CDH7: variants seen among roughly 807,000 people sequenced by gnomAD.
CDH7 encodes cadherin 7.
CDH7 carries 25 observed loss-of-function variants against 71.8 expected under a neutral mutation model. The ratio of observed to expected loss-of-function variants is 0.35; its 90% confidence interval spans 0.25 to 0.49. The LOEUF (loss-of-function observed/expected upper bound fraction) is 0.49, where lower values mean the gene tolerates loss of function less well. Among genes scored for constraint, CDH7 ranks in the 20% least tolerant of loss-of-function variants. The probability of loss-of-function intolerance (pLI) is 0.99; values close to 1 mark genes in which losing one functional copy is unlikely to be tolerated. For missense variants in CDH7, 862 were observed against 974.6 expected (o/e 0.88, Z 1.54); for synonymous variants, 381 against 363.8 (o/e 1.05, Z -0.54).
chr18:65,810,875 T>G (rs1376757187), intron 3 of CDH7, among the ~76,000 whole-genome samples: 1 of 152,182 alleles, frequency 6.6e-6, no homozygotes, highest in Non-Finnish European at 1.5e-5. Flanking sequence ...ACATGAAGGC[T>G]TTTTTATTCA....
intron 7 of CDH7, among the ~76,000 whole-genome samples, chr18:65,851,775 A>G (rs915051886): frequency 4.6e-5 from 7 of 152,228 alleles, no homozygotes; most frequent in African/African-American, 1.7e-4. Flanking sequence ...GAAGAAACAG[A>G]AAAGCACAGA....
intron 2 of CDH7, among the ~76,000 whole-genome samples, chr18:65,772,642 T>A (rs1916580615): frequency 6.6e-6 from 1 of 152,108 alleles, no homozygotes; most frequent in East Asian, 1.9e-4. Flanking sequence ...AAACATAGAG[T>A]CTGTAATATG....
intron 11 of CDH7, among the ~76,000 whole-genome samples, chr18:65,864,807 C>T (rs1043662103): frequency 3.4e-5 from 5 of 145,690 alleles, no homozygotes; most frequent in Non-Finnish European, 4.5e-5. Flanking sequence ...AGGAGAATGG[C>T]GTGAACCCAG....
intron 2 of CDH7, among the ~76,000 whole-genome samples, chr18:65,787,419 C>T (rs1444922905): frequency 2.0e-5 from 3 of 152,106 alleles, no homozygotes; most frequent in African/African-American, 7.2e-5. Context: ...ATTTATTGAG[C>T]GTTTGCCACT....
In CDH7 at chr18:65,853,600, C is replaced by T. The variant is rs117066925; in HGVS notation, c.1236-4216C>T. On this transcript the variant is annotated intron_variant, in intron 7 of 11. Coordinates refer to ENST00000397968, the MANE Select transcript of CDH7 (RefSeq NM_004361.5). ...GGAAACCCCTTTAATTCTAGGTGAC[C>T]CCAAGTCCTTGCCATTAAGAAATGT... is the stretch of plus-strand genomic sequence containing the variant. Among the ~76,000 whole-genome samples the T allele has an allele frequency of 6.7e-3, 1,011 of 151,588 alleles. 11 individuals carry two copies. Among genetic ancestry groups the T allele is most frequent in the East Asian group, 0.034 (173 of 5,084 alleles).
At chr18:65,753,490 A>T (rs566568995) in intron 1 of CDH7, among the ~76,000 whole-genome samples, 6 of 152,322 alleles carry the variant, frequency 3.9e-5, no homozygotes, top group African/African-American at 1.4e-4. Flanking sequence ...CTTGATTGGA[A>T]GTCTTCAAAG....
chr18:65,809,851 C>G lies in CDH7; in HGVS notation c.358C>G (p.Leu120Val). Reference sequence around the variant, plus strand: ...TCGTGAGGAGCAGGCCTACTACACGCTCCGAGCTCAAGCGCTGGATAGGCT... The same window carrying G: ...TCGTGAGGAGCAGGCCTACTACACGGTCCGAGCTCAAGCGCTGGATAGGCT... ...LDREEQAYYT[L>V]RAQALDRLTN... The change falls in exon 3 of 12, where the codon CTC (leucine) becomes GTC (valine). Residue 120 changes from leucine (L) to valine (V), a missense_variant. Transcript: ENST00000397968. 6.2e-7 allele frequency: 1 copy of G among 1,614,000 alleles called. No individual in the cohort carries two copies. The highest frequency in any genetic ancestry group is 1.3e-5 in the African/African-American group (1 of 74,966).
chr18:65,789,475 G>GTT (rs35493014), intron 2 of CDH7, among the ~76,000 whole-genome samples: 41,268 of 146,788 alleles, frequency 0.28, 5,712 homozygotes, highest in Middle Eastern at 0.39. Flanking sequence ...TTTTTTGTTT[G>GTT]TTTTTTTTTG....
chr18:65,861,665 C>T (rs1203067112), intron 10 of CDH7, among the ~76,000 whole-genome samples: 1 of 152,108 alleles, frequency 6.6e-6, no homozygotes, highest in Non-Finnish European at 1.5e-5. Context: ...GCATGTAATA[C>T]ATTTTCTGCA....
intron 5 of CDH7, among the ~76,000 whole-genome samples, chr18:65,822,950 T>A (rs1466554512): frequency 6.6e-6 from 1 of 151,902 alleles, no homozygotes; most frequent in Non-Finnish European, 1.5e-5. Flanking sequence ...GTTCCCTTTT[T>A]TTCCCTAAGT....
intron 6 of CDH7, among the ~76,000 whole-genome samples, chr18:65,826,041 A>G (rs1229309318): frequency 1.3e-5 from 2 of 151,602 alleles, no homozygotes; most frequent in African/African-American, 2.4e-5. Context: ...GGCAGCATGA[A>G]TCTTTGAAAA....
chr18:65,774,441 C>G (rs1916638006), intron 2 of CDH7, among the ~76,000 whole-genome samples: 1 of 151,886 alleles, frequency 6.6e-6, no homozygotes, highest in South Asian at 2.1e-4. Context: ...CTTACCCTTC[C>G]CTTCAGATCT....
chr18:65,858,067 A>G, intron 8 of CDH7, 115 bp downstream of exon 8: 1 of 910,476 alleles, frequency 1.1e-6, no homozygotes, highest in Non-Finnish European at 1.6e-6. Context: ...AATTGTACAA[A>G]AACTTGAGAA....
intron 2 of CDH7, among the ~76,000 whole-genome samples, chr18:65,788,959 A>C (rs574207064): frequency 6.6e-6 from 1 of 152,196 alleles, no homozygotes. Context: ...TCCTATACAA[A>C]GTTATATTAT....
chr18:65,796,759 TCATGCTGA>T, intron 2 of CDH7, among the ~76,000 whole-genome samples: 1 of 152,256 alleles, frequency 6.6e-6, no homozygotes, highest in Non-Finnish European at 1.5e-5. Flanking sequence ...AGTTTTAATA[TCATGCTGA>T]CTCGCTTGAG....
chr18:65,885,374 T>TTTTTTTCTTTTTTTTC lies in CDH7; in HGVS notation c.*4486_*4487insCTTTTTTTTCTTTTTT, dbSNP rs1208000690. ...AACTGAAAAGGATGTGTGCCTGTGT[T>TTTTTTTCTTTTTTTTC]TTTTTTTTTTTTTTTTTTTTTGACG... On this transcript the variant is annotated 3_prime_UTR_variant, in exon 12 of 12. Transcript: ENST00000397968. The TTTTTTTCTTTTTTTTC allele has an allele frequency of 2.0e-5, 2 of 98,820 alleles. 1 individual carries two copies. The highest frequency in any genetic ancestry group is 2.2e-4 in the Admixed American group (2 of 9,022). 6.1% of individuals were successfully genotyped at this position (98,820 alleles called of 1,614,324 possible).
At chr18:65,789,839 A>G (rs532628959) in intron 2 of CDH7, among the ~76,000 whole-genome samples, 1 of 152,256 alleles carries the variant, frequency 6.6e-6, no homozygotes, top group African/African-American at 2.4e-5. Context: ...GACCTCTCAC[A>G]TAGTAGGTAC....
chr18:65,845,178 T>C (rs952154913), intron 7 of CDH7, among the ~76,000 whole-genome samples: 1 of 151,550 alleles, frequency 6.6e-6, no homozygotes, highest in Non-Finnish European at 1.5e-5. Flanking sequence ...GTAGTATATA[T>C]ACATACATAT....
chr18:65,752,221 T>C (rs1475532538), intron 1 of CDH7, among the ~76,000 whole-genome samples: 2 of 152,232 alleles, frequency 1.3e-5, no homozygotes, highest in African/African-American at 4.8e-5. Context: ...TAAACATAAC[T>C]TTATACAAAA....
Sources: allele counts gnomAD v4.1 joint callset (sites outside exome capture counted in the v4.1 genomes callset), GRCh38; gene constraint gnomAD v4.1.1; transcripts MANE v1.5; gene names NCBI Gene and HGNC (gene_info 2026-07-23, HGNC 2026-07-21).